RNGTT: variants seen among roughly 807,000 people sequenced by gnomAD.
The protein encoded by RNGTT is RNA guanylyltransferase and 5'-phosphatase.
In RNGTT, 33 loss-of-function variants were observed where a neutral mutation model predicts 79.3. The ratio of observed to expected loss-of-function variants is 0.42; its 90% confidence interval spans 0.32 to 0.56. The LOEUF (loss-of-function observed/expected upper bound fraction) is 0.56, where lower values mean the gene tolerates loss of function less well. Ranked by LOEUF, RNGTT falls within the 20% of genes least tolerant of loss-of-function variation. The pLI is 0.17. For missense variants in RNGTT, 497 were observed against 739.1 expected, an observed-to-expected ratio of 0.67 and a Z score of 3.80; for synonymous variants, 222 against 235.9, an observed-to-expected ratio of 0.94 and a Z score of 0.54.
At chr6:88,777,687 G>GT (rs1182399716) in intron 12 of RNGTT, among the ~76,000 whole-genome samples, 5 of 152,068 alleles carry the variant, frequency 3.3e-5, no homozygotes, top group African/African-American at 4.8e-5. Context: ...GAATTAACAG[G>GT]TTTTTTTGAT....
intron 12 of RNGTT, among the ~76,000 whole-genome samples, chr6:88,791,954 C>T (rs1480956156): frequency 6.6e-6 from 1 of 152,064 alleles, no homozygotes; most frequent in Admixed American, 6.5e-5. Context: ...ACAAATGGTA[C>T]ACCATTGATA....
intron 12 of RNGTT, among the ~76,000 whole-genome samples, chr6:88,771,969 G>C (rs1156962985): frequency 6.6e-6 from 1 of 152,118 alleles, no homozygotes. Context: ...CTTGAGCCCA[G>C]GAGTTCGAGA....
intron 2 of RNGTT, among the ~76,000 whole-genome samples, chr6:88,932,797 A>C (rs576617623): frequency 6.6e-6 from 1 of 152,302 alleles, no homozygotes; most frequent in Admixed American, 6.5e-5. Flanking sequence ...CTAGAATCAC[A>C]ATCAGCCAGC....
chr6:88,847,640 T>C (rs1781528287), intron 10 of RNGTT, among the ~76,000 whole-genome samples: 1 of 152,078 alleles, frequency 6.6e-6, no homozygotes, highest in South Asian at 2.1e-4. Flanking sequence ...AATAAATATG[T>C]ATTGAATAAA....
At chr6:88,956,950 T>C (rs1785452659) in intron 1 of RNGTT, among the ~76,000 whole-genome samples, 1 of 152,148 alleles carries the variant, frequency 6.6e-6, no homozygotes, top group South Asian at 2.1e-4. Context: ...GGAGAATCAC[T>C]TGAACCCGGG....
chr6:88,878,614 A>C (rs949918689), intron 8 of RNGTT, among the ~76,000 whole-genome samples: 3 of 152,192 alleles, frequency 2.0e-5, no homozygotes, highest in Non-Finnish European at 4.4e-5. Context: ...ACTAGATATG[A>C]TGTCATGGCT....
At chr6:88,926,914 A>G (rs1199199416) in intron 4 of RNGTT, among the ~76,000 whole-genome samples, 1 of 152,212 alleles carries the variant, frequency 6.6e-6, no homozygotes, top group Non-Finnish European at 1.5e-5. Context: ...TATATTTTCT[A>G]ACTAATTATT....
chr6:88,721,872 C>T lies in RNGTT; in HGVS notation c.1440-43453G>A, dbSNP rs150941458. ...TCATGTAAATATTCTCTAATGCTTC[C>T]TTCTCCACACTAAAGTGGAGTTTTC... On this transcript the variant is annotated intron_variant, in intron 13 of 15. Transcript: ENST00000369485. 3.4e-3 allele frequency among the ~76,000 whole-genome samples: 520 copies of T among 152,078 alleles called. 10 individuals are homozygous for T. The highest frequency in any genetic ancestry group is 7.1e-4 in the Non-Finnish European group (48 of 67,950).
chr6:88,670,701 C>G (rs1311011260), intron 14 of RNGTT, among the ~76,000 whole-genome samples: 1 of 152,186 alleles, frequency 6.6e-6, no homozygotes, highest in Non-Finnish European at 1.5e-5. Context: ...GTGAAACTTT[C>G]TGTTCTGTTC....
intron 14 of RNGTT, among the ~76,000 whole-genome samples, chr6:88,629,550 G>T (rs1350320886): frequency 2.0e-5 from 3 of 151,954 alleles, no homozygotes; most frequent in Non-Finnish European, 4.4e-5. Context: ...TTAGGTTTCT[G>T]TTCTACAGTT....
At chr6:88,928,091 A>G (rs1027292332) in intron 4 of RNGTT, among the ~76,000 whole-genome samples, 4 of 152,088 alleles carry the variant, frequency 2.6e-5, no homozygotes, top group African/African-American at 9.7e-5. Context: ...GTGTGCCTGT[A>G]ATCCCAGCTA....
intron 1 of RNGTT, among the ~76,000 whole-genome samples, chr6:88,941,447 T>C (rs1182672145): frequency 1.3e-5 from 2 of 152,112 alleles, no homozygotes; most frequent in African/African-American, 4.8e-5. Context: ...TTTGTGTTTT[T>C]AGTAGAGACA....
At chr6:88,703,541 A>G (rs375352297) in intron 13 of RNGTT, among the ~76,000 whole-genome samples, 108 of 152,316 alleles carry the variant, frequency 7.1e-4, no homozygotes, top group Non-Finnish European at 1.1e-3. Flanking sequence ...TACTAAAGGA[A>G]GGAGGAAGGG....
intron 13 of RNGTT, among the ~76,000 whole-genome samples, chr6:88,740,803 C>T (rs1777461700): frequency 6.6e-6 from 1 of 151,950 alleles, no homozygotes; most frequent in East Asian, 1.9e-4. Context: ...AAGGATGGGT[C>T]AATAGGTGCT....
chr6:88,853,507 A>G, intron 9 of RNGTT, 122 bp downstream of exon 9: 1 of 581,070 alleles, frequency 1.7e-6, no homozygotes, highest in Non-Finnish European at 2.7e-6. Flanking sequence ...TCCGTCTCAA[A>G]AAAAAAAAAA....
intron 1 of RNGTT, among the ~76,000 whole-genome samples, chr6:88,956,025 A>C (rs1785418667): frequency 7.5e-6 from 1 of 132,498 alleles, no homozygotes; most frequent in South Asian, 2.5e-4. Context: ...TGGGTGACAG[A>C]GCGAGACTCT....
intron 13 of RNGTT, among the ~76,000 whole-genome samples, chr6:88,681,706 T>C (rs1025098855): frequency 6.6e-6 from 1 of 152,188 alleles, no homozygotes; most frequent in African/African-American, 2.4e-5. Context: ...AATTCAGCAC[T>C]AATAAACACA....
rs559449319 is a variant in RNGTT, at chr6:88,617,289, A to G, written c.1507-2894T>C. Among the ~76,000 whole-genome samples the G allele has an allele frequency of 2.6e-5, 4 of 152,160 alleles. No homozygotes were observed. In the East Asian group the frequency reaches 7.7e-4, roughly 29 times the overall value. On this transcript the variant is annotated intron_variant, in intron 14 of 15. Transcript: ENST00000369485. ...CATCTCCAAAAAAAAGATTTCTCCT[A>G]TGTTATCTTTTACAAGTTTAATAGT... is the stretch of plus-strand genomic sequence containing the variant.
intron 8 of RNGTT, among the ~76,000 whole-genome samples, chr6:88,879,184 A>G (rs1162659704): frequency 2.6e-5 from 4 of 152,086 alleles, no homozygotes; most frequent in Non-Finnish European, 5.9e-5. Context: ...ATCACGAGGT[A>G]AGGAGTTTGA....
Sources: allele counts gnomAD v4.1 joint callset (sites outside exome capture counted in the v4.1 genomes callset), GRCh38; gene constraint gnomAD v4.1.1; transcripts MANE v1.5; gene names NCBI Gene and HGNC (gene_info 2026-07-23, HGNC 2026-07-21).